MDH1: variants seen among roughly 807,000 people sequenced by gnomAD.
MDH1 encodes the protein malate dehydrogenase, cytoplasmic.
In MDH1, 15 loss-of-function variants were observed where a neutral mutation model predicts 38.7. The observed-to-expected ratio is 0.39, with a 90% CI of 0.26 to 0.60. The LOEUF is 0.60. Ranked by LOEUF, MDH1 falls within the 20% of genes least tolerant of loss-of-function variation. The pLI, the probability that MDH1 is intolerant of heterozygous loss-of-function variation, is 0.56. For missense variants in MDH1, 368 were observed against 405.2 expected, an observed-to-expected ratio of 0.91 and a Z score of 0.79; for synonymous variants, 144 against 143.6, an observed-to-expected ratio of 1.00 and a Z score of -0.02.
intron 5 of MDH1, 54 bp from the exon 6 acceptor site, chr2:63,604,642 A>G (rs757476248): frequency 1.4e-5 from 20 of 1,446,112 alleles, no homozygotes; most frequent in African/African-American, 2.8e-5. Context: ...ACAGGTCCCA[A>G]TTGGAAATAA....
intron 5 of MDH1, chr2:63,599,674 T>G (rs985422959): frequency 1.3e-5 from 2 of 152,682 alleles, no homozygotes; most frequent in African/African-American, 4.8e-5. Flanking sequence ...TTTGTGTGAT[T>G]GTGTGGTTCT....
chr2:63,602,733 C>T (rs1709448739), intron 5 of MDH1, among the ~76,000 whole-genome samples: 1 of 152,078 alleles, frequency 6.6e-6, no homozygotes, highest in South Asian at 2.1e-4. Context: ...TGCACTCCAC[C>T]TCTATAATTT....
rs896849527 is a variant in MDH1 at position 63,595,523 on chromosome 2, G to T, written c.199+4G>T. ...TGTGCCCTTCCCCTCCTGAAAGGTG[G>T]GTTGGGGAGTAGAGAAGGGATTTTA... is the stretch of plus-strand genomic sequence containing the variant. On this transcript the variant is annotated splice_donor_region_variant and intron_variant, in intron 3 of 8. Transcript: ENST00000233114. The T allele has an allele frequency of 9.5e-6, 15 of 1,579,294 alleles. No individual in the cohort carries two copies. In the East Asian group the frequency reaches 3.1e-4, roughly 33 times the overall value.
At chr2:63,605,480 C>A in intron 7 of MDH1, 87 bp downstream of exon 7, 1 of 971,662 alleles carries the variant, frequency 1.0e-6, no homozygotes, top group Non-Finnish European at 1.6e-6. Context: ...CCTTAGCAGT[C>A]AGTCAGGTTA....
At chr2:63,600,608 A>G (rs1709400528) in intron 5 of MDH1, among the ~76,000 whole-genome samples, 1 of 152,214 alleles carries the variant, frequency 6.6e-6, no homozygotes, top group Admixed American at 6.5e-5. Context: ...TAAATACAAG[A>G]AAGGTTGGCT....
chr2:63,593,297 T>C (rs2106601456), intron 1 of MDH1: 2 of 232,124 alleles, frequency 8.6e-6, no homozygotes, highest in East Asian at 1.9e-4. Context: ...TTTCTCCATA[T>C]TGGTCAGGCT....
At chr2:63,604,655 A>T in intron 5 of MDH1, 41 bp from the exon 6 acceptor site, 1 of 1,522,756 alleles carries the variant, frequency 6.6e-7, no homozygotes, top group Non-Finnish European at 9.0e-7. Context: ...GGAAATAAAA[A>T]CCATTTGTCT....
rs542237539 is a variant in MDH1, at chr2:63,592,566, G to A, written c.4-1922G>A. 5.3e-5 allele frequency among the ~76,000 whole-genome samples: 8 copies of A among 152,204 alleles called. No individual in the cohort carries two copies. The East Asian group carries it at 7.7e-4, about 15-fold the overall frequency. ...TCACTATGTAGCCCAGGCTGGTCTCGAACTCCTGGGCTCAAGTGATCCACC... is the reference window on the plus strand; with the variant it reads ...TCACTATGTAGCCCAGGCTGGTCTCAAACTCCTGGGCTCAAGTGATCCACC... On this transcript the variant is annotated intron_variant, in intron 1 of 8. Transcript: ENST00000233114.
intron 7 of MDH1, 46 bp from the exon 8 acceptor site, chr2:63,605,889 CAGTT>C: frequency 7.0e-7 from 1 of 1,423,524 alleles, no homozygotes; most frequent in Non-Finnish European, 9.9e-7. Context: ...GTTCATGTGT[CAGTT>C]GTGTAAACTA....
At chr2:63,599,064 TC>T (rs2106615262) in intron 4 of MDH1, 105 bp from the exon 5 acceptor site, 1 of 1,049,974 alleles carries the variant, frequency 9.5e-7, no homozygotes, top group Non-Finnish European at 1.3e-6. Flanking sequence ...TTCCCAAGCC[TC>T]CCCTGTACAA....
intron 1 of MDH1, chr2:63,590,794 G>C (rs998129135): frequency 2.6e-5 from 4 of 152,146 alleles, no homozygotes; most frequent in African/African-American, 9.7e-5. Context: ...GCAGTTTGCT[G>C]GAACTGACAG....
intron 1 of MDH1, chr2:63,589,420 C>T (rs894322611): frequency 6.5e-7 from 1 of 1,535,794 alleles, no homozygotes; most frequent in Non-Finnish European, 8.8e-7. Context: ...GTCCTAACCC[C>T]TTTTTCTCCT....
At chr2:63,590,395 T>C (rs1575718293) in intron 1 of MDH1, 1 of 152,278 alleles carries the variant, frequency 6.6e-6, no homozygotes, top group East Asian at 1.9e-4. Flanking sequence ...GAATTTTTAT[T>C]TTTATAGGGA....
chr2:63,593,919 A>C (rs563939081), intron 1 of MDH1, among the ~76,000 whole-genome samples: 1 of 152,312 alleles, frequency 6.6e-6, no homozygotes, highest in South Asian at 2.1e-4. Context: ...TGCTTTTAAA[A>C]ATAATTTTCC....
intron 1 of MDH1, chr2:63,594,150 G>A: frequency 6.6e-6 from 3 of 453,462 alleles, no homozygotes; most frequent in South Asian, 1.7e-5. Context: ...TGCATAATAA[G>A]GATTTGTGTG....
chr2:63,603,394 C>T (rs1385107752), intron 5 of MDH1, among the ~76,000 whole-genome samples: 1 of 152,090 alleles, frequency 6.6e-6, no homozygotes. Context: ...TTTATGTGTG[C>T]TAAAGCTACA....
At chr2:63,603,833 T>A (rs1709477329) in intron 5 of MDH1, among the ~76,000 whole-genome samples, 1 of 152,108 alleles carries the variant, frequency 6.6e-6, no homozygotes, top group South Asian at 2.1e-4. Flanking sequence ...AACTTTGTAT[T>A]TTTAGTAGAG....
At chr2:63,592,553 C>T (rs1709220084) in intron 1 of MDH1, among the ~76,000 whole-genome samples, 1 of 152,256 alleles carries the variant, frequency 6.6e-6, no homozygotes, top group Admixed American at 6.5e-5. Context: ...ACTATGTAGC[C>T]CAGGCTGGTC....
intron 5 of MDH1, among the ~76,000 whole-genome samples, chr2:63,601,788 A>G (rs996478051): frequency 5.9e-5 from 9 of 152,348 alleles, no homozygotes; most frequent in Middle Eastern, 3.4e-3. Flanking sequence ...GGAGCATTGA[A>G]GCAGACATTC....
Sources: allele counts gnomAD v4.1 joint callset (sites outside exome capture counted in the v4.1 genomes callset), GRCh38; gene constraint gnomAD v4.1.1; transcripts MANE v1.5; gene names NCBI Gene and HGNC (gene_info 2026-07-23, HGNC 2026-07-21).